Variants in CCNDBP1 observed in about 807,000 individuals in gnomAD.
CCNDBP1 encodes cyclin D1 binding protein 1, also known as cyclin-D1-binding protein 1.
A neutral mutation model predicts 46.2 loss-of-function variants in CCNDBP1; 45 were observed. That is an observed-to-expected ratio of 0.97 (90% CI 0.77 to 1.25). CCNDBP1 has a LOEUF of 1.25. Among genes scored for constraint, CCNDBP1 ranks in the 50% most tolerant of loss-of-function variants. The probability of loss-of-function intolerance (pLI) is 0.00; values close to 1 mark genes in which losing one functional copy is unlikely to be tolerated. For missense variants in CCNDBP1, 436 were observed against 442.1 expected (o/e 0.99, Z 0.12); for synonymous variants, 154 against 163.6 (o/e 0.94, Z 0.45).
At position 43,191,028 on chromosome 15, in the gene CCNDBP1, G is replaced by A. The variant is rs1308231503; in HGVS notation, c.565G>A (p.Glu189Lys). 1.9e-6 allele frequency: 3 copies of A among 1,613,610 alleles called. No homozygotes were observed. The highest frequency in any genetic ancestry group is 2.5e-6 in the Non-Finnish European group (3 of 1,179,594). Residue 189 changes from glutamate to lysine, a missense_variant, in exon 7 of 11, where the codon GAA becomes AAA. Transcript: ENST00000300213. Reference protein sequence around the residue: ...KNVDFVKDAHEEMEQAVEECD... With the variant: ...KNVDFVKDAHKEMEQAVEECD... The stretch of plus-strand genomic sequence containing the variant: ...TGTGGATTTTGTGAAGGATGCACAT[G>A]AAGAAATGGAGCAGGTGAGGGGACC...
At chr15:43,189,077 C>CAA (rs763476042) in intron 3 of CCNDBP1, 122 bp from the exon 4 acceptor site, 177 of 152,114 alleles carry the variant, frequency 1.2e-3, no homozygotes, top group South Asian at 2.5e-3. Flanking sequence ...GACTCTGTCT[C>CAA]AAAAAAAAAA....
chr15:43,192,620 CCAATTTT>C, intron 8 of CCNDBP1, 116 bp from the exon 9 acceptor site: 1 of 837,678 alleles, frequency 1.2e-6, no homozygotes, highest in South Asian at 1.5e-5. Flanking sequence ...GCCCAGTTGC[CCAATTTT>C]AAAAACTGAC....
chr15:43,193,771 T>A (rs2041997754), intron 9 of CCNDBP1, among the ~76,000 whole-genome samples: 1 of 152,166 alleles, frequency 6.6e-6, no homozygotes, highest in South Asian at 2.1e-4. Flanking sequence ...ATAATGGAAA[T>A]TAGATTCATC....
intron 4 of CCNDBP1, 27 bp from the exon 5 acceptor site, chr15:43,190,028 T>G: frequency 6.3e-7 from 1 of 1,595,752 alleles, no homozygotes; most frequent in South Asian, 1.1e-5. Context: ...GAACACCAGG[T>G]TGCTTATTCT....
At chr15:43,187,271 ATT>A (rs1444319407) in intron 3 of CCNDBP1, among the ~76,000 whole-genome samples, 9 of 141,564 alleles carry the variant, frequency 6.4e-5, no homozygotes, top group Admixed American at 7.1e-5. Flanking sequence ...TACCTTTGAG[ATT>A]TTTTTTTTTT....
chr15:43,189,961 A>G, intron 4 of CCNDBP1, 94 bp from the exon 5 acceptor site: 1 of 1,052,432 alleles, frequency 9.5e-7, no homozygotes, highest in Non-Finnish European at 1.4e-6. Context: ...GTGGGTGTAC[A>G]TTACCTTATA....
At chr15:43,189,097 A>AG in intron 3 of CCNDBP1, 102 bp from the exon 4 acceptor site, 3 of 474,358 alleles carry the variant, frequency 6.3e-6, no homozygotes, top group South Asian at 3.4e-5. Context: ...AAAAAAAAAA[A>AG]AAAAAAAGAA....
intron 10 of CCNDBP1, 97 bp downstream of exon 10, chr15:43,194,558 A>T: frequency 9.2e-7 from 1 of 1,085,704 alleles, no homozygotes; most frequent in Non-Finnish European, 1.4e-6. Flanking sequence ...AGGAGTGGGA[A>T]AGGGTGGGTG....
chr15:43,190,187 GGTTCC>G (rs1567263315), intron 5 of CCNDBP1, 36 bp downstream of exon 5: 1 of 1,605,076 alleles, frequency 6.2e-7, no homozygotes. Context: ...CAGTTATTGG[GGTTCC>G]TTGCCTCAGA....
Position 43,189,187 on chromosome 15 carries a change from C to G in CCNDBP1, c.250-12C>G, listed in dbSNP as rs758637690. The G allele has an allele frequency of 1.9e-6, 3 of 1,570,930 alleles. No individual in the cohort carries two copies. ...TTGACCACTTTGATCTAATCTGTTT[C>G]CTTTTTCATAGGAAACCCAGAAGTT... On this transcript the variant is annotated splice_polypyrimidine_tract_variant and intron_variant, in intron 3 of 10. Coordinates refer to ENST00000300213, the MANE Select transcript of CCNDBP1 (RefSeq NM_012142.5).
chr15:43,192,682 G>A lies in CCNDBP1; in HGVS notation c.861-61G>A, dbSNP rs138628237. ...TCTCACTGTTGACATCCATAGTTGTGTACTAGAAACAACCTGGCTGCGTTT... is the reference window on the plus strand; with the variant it reads ...TCTCACTGTTGACATCCATAGTTGTATACTAGAAACAACCTGGCTGCGTTT... On this transcript the variant is annotated intron_variant, in intron 8 of 10. Transcript: ENST00000300213. 10 of 1,460,350 alleles carry A rather than the reference G, an allele frequency of 6.8e-6. No homozygotes were observed. The East Asian group carries it at 2.3e-4, about 33-fold the overall frequency. 90.5% of individuals were successfully genotyped at this position (1,460,350 alleles called of 1,614,324 possible).
rs1286509651 is a variant in CCNDBP1, at chr15:43,185,665, G to T, written c.109+58G>T. The T allele has an allele frequency of 8.8e-6, 12 of 1,368,550 alleles. No homozygotes were observed. The African/African-American group carries it at 1.0e-4, about 11-fold the overall frequency. The allele number at this position is 1,368,550 out of a possible 1,614,324, so 84.8% of individuals were successfully genotyped here. A position where few individuals can be genotyped will look rare whatever the true frequency, so the allele number is the denominator to read the frequency against. On this transcript the variant is annotated intron_variant, in intron 1 of 10. Coordinates refer to ENST00000300213, the MANE Select transcript of CCNDBP1 (RefSeq NM_012142.5). ...GGGGCGGGCTCGGGGTCGGGGAGAG[G>T]CCGGGCTCGGGGTCGGGGAGAGGCC...
chr15:43,194,130 C>A, intron 9 of CCNDBP1: 1 of 304,630 alleles, frequency 3.3e-6, no homozygotes, highest in Non-Finnish European at 6.1e-6. Flanking sequence ...CATTTGGGAC[C>A]AATTCAGGTT....
Position 43,191,545 on chromosome 15 carries a change from T to A in CCNDBP1, c.730T>A (p.Cys244Ser). ...SEDDQELIIP[C>S]LALVRASKAC... ...GGACGATCAAGAGCTCATAATCCCATGCCTTGCGCTGGTGAGAGCATCCAA... is the reference window on the plus strand; with the variant it reads ...GGACGATCAAGAGCTCATAATCCCAAGCCTTGCGCTGGTGAGAGCATCCAA... Residue 244 changes from cysteine (C) to serine (S), a missense_variant, in exon 8 of 11, where the codon TGC (cysteine) becomes AGC (serine). Cys to Ser is a moderately radical substitution (Grantham distance 112, BLOSUM62 -1). Transcript: ENST00000300213. 1.2e-6 allele frequency: 2 copies of A among 1,614,106 alleles called. No homozygotes were observed. Among genetic ancestry groups the A allele is most frequent in the Non-Finnish European group, 1.7e-6 (2 of 1,180,014 alleles).
At chr15:43,189,411 G>T in intron 4 of CCNDBP1, 131 bp downstream of exon 4, 1 of 557,976 alleles carries the variant, frequency 1.8e-6, no homozygotes, top group Non-Finnish European at 3.1e-6. Flanking sequence ...GGATAATTTT[G>T]TAATGTAAGT....
intron 9 of CCNDBP1, chr15:43,194,046 CTTTTTTTTTTTTTTTTTT>C (rs748207621): frequency 6.0e-5 from 3 of 50,288 alleles, no homozygotes; most frequent in African/African-American, 2.6e-4. Context: ...TCTTAATGCG[CTTTTTTTTTTTTTTTTTT>C]TTTTTTTTTT....
chr15:43,194,356 T>C lies in CCNDBP1; in HGVS notation c.922-59T>C. ...TTATTACTTGGGTCTTTAAAAATATTTGAACTCACCTTTTTATGGTAGGGC... is the reference window on the plus strand; with the variant it reads ...TTATTACTTGGGTCTTTAAAAATATCTGAACTCACCTTTTTATGGTAGGGC... On this transcript the variant is annotated intron_variant, in intron 9 of 10. Coordinates refer to ENST00000300213, the MANE Select transcript of CCNDBP1 (RefSeq NM_012142.5). 2.8e-6 allele frequency: 4 copies of C among 1,404,178 alleles called. No homozygotes were observed. The South Asian group carries it at 5.7e-5, about 20-fold the overall frequency. 87.0% of individuals were successfully genotyped at this position (1,404,178 alleles called of 1,614,324 possible).
At chr15:43,192,533 A>AT (rs763051581) in intron 8 of CCNDBP1, among the ~76,000 whole-genome samples, 4 of 152,162 alleles carry the variant, frequency 2.6e-5, no homozygotes, top group Admixed American at 1.3e-4. Flanking sequence ...AACCAAGGGA[A>AT]TTTCCCCCCC....
rs1209899321 is a variant in CCNDBP1, at chr15:43,195,455, TG to T, written c.*615del. On this transcript the variant is annotated 3_prime_UTR_variant, in exon 11 of 11. Transcript: ENST00000300213. ...AAAATATATTGGCATTGAGCTCATT[TG>T]TTAGGTTTGCCCACCTTATTGAACA... 78 of 152,374 alleles carry T rather than the reference TG, an allele frequency of 5.1e-4. No individual in the cohort carries two copies. The highest frequency in any genetic ancestry group is 1.8e-3 in the African/African-American group (75 of 41,594). The allele number at this position is 152,374 out of a possible 1,614,324, so 9.4% of individuals were successfully genotyped here.
Sources: allele counts gnomAD v4.1 joint callset (sites outside exome capture counted in the v4.1 genomes callset), GRCh38; gene constraint gnomAD v4.1.1; transcripts MANE v1.5; gene names NCBI Gene and HGNC (gene_info 2026-07-23, HGNC 2026-07-21).